Variants in C1QBP observed in about 807,000 individuals in gnomAD.
C1QBP encodes the protein complement component 1 Q subcomponent-binding protein, mitochondrial.
Under a neutral mutation model 29.4 loss-of-function variants are expected in C1QBP, and 24 were observed. The ratio of observed to expected loss-of-function variants is 0.82; its 90% CI spans 0.59 to 1.15. The LOEUF is 1.15. Ranked by LOEUF, C1QBP falls within the 50% of genes most tolerant of loss-of-function variation. C1QBP has a pLI of 0.00. For synonymous variants in C1QBP, 182 were observed against 149.2 expected, an observed-to-expected ratio of 1.22 and a Z score of -1.60; for missense variants, 337 against 355.8, an observed-to-expected ratio of 0.95 and a Z score of 0.43.
chr17:5,435,105 T>C (rs1916235712), intron 2 of C1QBP, 139 bp from the exon 3 acceptor site: 1 of 755,200 alleles, frequency 1.3e-6, no homozygotes, highest in South Asian at 1.6e-5. Flanking sequence ...CTGGCTGAAT[T>C]ATATGCAGAA....
Position 5,432,855 on chromosome 17 carries a change from A to T in C1QBP, c.*160T>A. The T allele has an allele frequency of 1.0e-6, 1 of 965,338 alleles. No individual in the cohort carries two copies. The highest frequency in any genetic ancestry group is 1.5e-6 in the Non-Finnish European group (1 of 683,230). The allele number at this position is 965,338 out of a possible 1,614,324, so 59.8% of individuals were successfully genotyped here. ...TAATAGATTTGTACAGAAAAAAATG[A>T]TAATAAATGAGAACACAAAACATAT... On this transcript the variant is annotated 3_prime_UTR_variant, in exon 6 of 6. Coordinates refer to ENST00000225698, the MANE Select transcript of C1QBP (RefSeq NM_001212.4).
At position 5,433,538 on chromosome 17, in the gene C1QBP, C is replaced by CCT. The variant is rs1169013372; in HGVS notation, c.577-125_577-124dup. The CCT allele has an allele frequency of 2.0e-6, 3 of 1,508,404 alleles. No homozygotes were observed. In the South Asian group the frequency reaches 3.4e-5, roughly 17 times the overall value. 93.4% of individuals were successfully genotyped at this position (1,508,404 alleles called of 1,614,324 possible). On this transcript the variant is annotated intron_variant, in intron 4 of 5. Transcript: ENST00000225698. ...TTTAACCCTCTTCCCTCACTCCCCA[C>CCT]CTCTCTCCCCCTGCTGGGCTGGTCT... is the stretch of plus-strand genomic sequence containing the variant.
At position 5,438,108 on chromosome 17, in the gene C1QBP, C is replaced by T; in HGVS notation, c.383+15G>A. 3.1e-6 allele frequency: 5 copies of T among 1,610,240 alleles called. No individual in the cohort carries two copies. The highest frequency in any genetic ancestry group is 4.2e-6 in the Non-Finnish European group (5 of 1,178,770). On this transcript the variant is annotated intron_variant, in intron 2 of 5. Transcript: ENST00000225698. The stretch of plus-strand genomic sequence containing the variant: ...AAGGGAGTTGCTGCCCTGGGATCCC[C>T]AGACCAGTACTTACTTTTCCCCGGC...
At chr17:5,433,844 G>T in intron 3 of C1QBP, 77 bp from the exon 4 acceptor site, 1 of 1,216,914 alleles carries the variant, frequency 8.2e-7, no homozygotes, top group Non-Finnish European at 1.2e-6. Flanking sequence ...TGTTCAGAGT[G>T]TCTGATGGCC....
chr17:5,437,499 G>A (rs1916306511), intron 2 of C1QBP, among the ~76,000 whole-genome samples: 1 of 152,148 alleles, frequency 6.6e-6, no homozygotes, highest in African/African-American at 2.4e-5. Flanking sequence ...ACCATACCCG[G>A]TTAATTTTTA....
Position 5,439,136 on chromosome 17 carries a change from CCTGA to C in C1QBP, c.-67_-64del. The C allele has an allele frequency of 6.5e-7, 1 of 1,528,076 alleles. No homozygotes were observed. The highest frequency in any genetic ancestry group is 8.8e-7 in the Non-Finnish European group (1 of 1,137,588). 94.7% of individuals were successfully genotyped at this position (1,528,076 alleles called of 1,614,324 possible). ...CAACCCAGGCCTAGGCGCCCCGCGACCTGAGGCGCCGCCGGAAGCCCCGCCCCTG... is the reference window on the plus strand; with the variant it reads ...CAACCCAGGCCTAGGCGCCCCGCGACGGCGCCGCCGGAAGCCCCGCCCCTG... On this transcript the variant is annotated 5_prime_UTR_variant, in exon 1 of 6. Transcript: ENST00000225698.
chr17:5,434,377 A>G (rs368491731), intron 3 of C1QBP, among the ~76,000 whole-genome samples: 1 of 151,600 alleles, frequency 6.6e-6, no homozygotes, highest in Non-Finnish European at 1.5e-5. Context: ...CTGGCTGGTT[A>G]CTAGGCTGGG....
chr17:5,432,940 T>C lies in C1QBP; in HGVS notation c.*75A>G. 4 of 1,487,440 alleles carry C rather than the reference T, an allele frequency of 2.7e-6. No homozygotes were observed. The highest frequency in any genetic ancestry group is 3.6e-6 in the Non-Finnish European group (4 of 1,103,068). 92.1% of individuals were successfully genotyped at this position (1,487,440 alleles called of 1,614,324 possible). A position where few individuals can be genotyped will look rare whatever the true frequency, so the allele number is the denominator to read the frequency against. On this transcript the variant is annotated 3_prime_UTR_variant, in exon 6 of 6. Coordinates refer to ENST00000225698, the MANE Select transcript of C1QBP (RefSeq NM_001212.4). ...AGGATGATAATCATTTCAAAGCACA[T>C]GTCTAGCTTCAGAGTAGGATTTGTT...
intron 3 of C1QBP, 63 bp downstream of exon 3, chr17:5,434,810 C>T (rs949123315): frequency 1.4e-6 from 2 of 1,468,500 alleles, no homozygotes; most frequent in African/African-American, 2.8e-5. Context: ...AAACGCTCCT[C>T]CTCTAAGCCC....
chr17:5,438,632 G>A (rs1390054304), intron 1 of C1QBP: 12 of 1,016,566 alleles, frequency 1.2e-5, no homozygotes, highest in Non-Finnish European at 1.7e-5. Context: ...AGGTACCCTA[G>A]TATTTAATTT....
Position 5,433,121 on chromosome 17 carries a change from A to G in C1QBP, c.743T>C (p.Val248Ala). The G allele has an allele frequency of 6.2e-7, 1 of 1,614,024 alleles. No homozygotes were observed. ...HLMDFLADRG[V>A]DNTFADELVE... Reference sequence around the variant, plus strand: ...CAGCTCATCTGCAAAAGTGTTGTCCACCCCTCGGTCGGCAAGGAAATCCAT... The same window carrying G: ...CAGCTCATCTGCAAAAGTGTTGTCCGCCCCTCGGTCGGCAAGGAAATCCAT... The change falls in exon 6 of 6, where the codon GTG becomes GCG. Residue 248 changes from valine (V) to alanine (A), a missense_variant. Val to Ala is a moderately conservative substitution (Grantham distance 64). Coordinates refer to ENST00000225698, the MANE Select transcript of C1QBP (RefSeq NM_001212.4).
At chr17:5,434,041 A>T (rs1567591491) in intron 3 of C1QBP, 1 of 471,200 alleles carries the variant, frequency 2.1e-6, no homozygotes, top group Non-Finnish European at 3.9e-6. Context: ...GTCCCTTAAC[A>T]TTCCAAGCCT....
At chr17:5,434,192 CT>C in intron 3 of C1QBP, 1 of 211,888 alleles carries the variant, frequency 4.7e-6, no homozygotes, top group Middle Eastern at 1.9e-3. Flanking sequence ...ACAGCAGCAG[CT>C]TTTCCTCTGA....
In C1QBP at chr17:5,439,018, AG is replaced by A; in HGVS notation, c.55del (p.Leu19SerfsTer68). The A allele has an allele frequency of 6.7e-7, 1 of 1,501,370 alleles. No homozygotes were observed. Among genetic ancestry groups the A allele is most frequent in the Non-Finnish European group, 8.9e-7 (1 of 1,127,206 alleles). 93.0% of individuals were successfully genotyped at this position (1,501,370 alleles called of 1,614,324 possible). ...PRVLGSSVAG[L>X]RAAAPASPFR... ...AGGCGAGGCGGGCGCGGCAGCGCGGAGGCCGGCGACGGAGGAGCCCAGCACA... is the reference window on the plus strand; with the variant it reads ...AGGCGAGGCGGGCGCGGCAGCGCGGAGCCGGCGACGGAGGAGCCCAGCACA... On this transcript the variant is annotated frameshift_variant, in exon 1 of 6. Coordinates refer to ENST00000225698, the MANE Select transcript of C1QBP (RefSeq NM_001212.4). LOFTEE classifies it high-confidence loss of function.
chr17:5,438,588 A>C (rs1363486914), intron 1 of C1QBP: 2 of 796,836 alleles, frequency 2.5e-6, no homozygotes, highest in African/African-American at 3.5e-5. Context: ...GCCTTCCCAA[A>C]GGTCCACTTT....
At position 5,434,960 on chromosome 17, in the gene C1QBP, C is replaced by T. The variant is rs757702302; in HGVS notation, c.390G>A (p.Thr130=). ...LVRKVAGEKI[T]VTFNINNSIP... is the part of the protein sequence containing the mutation. Reference sequence around the variant, plus strand: ...TGCTGTTGTTAATGTTGAAAGTGACCGTGATTCTAAAACGGCAAGGGAAAA... The same window carrying T: ...TGCTGTTGTTAATGTTGAAAGTGACTGTGATTCTAAAACGGCAAGGGAAAA... Residue 130 remains threonine (T), a synonymous_variant, in exon 3 of 6, where the codon ACG becomes ACA. Transcript: ENST00000225698. The T allele has an allele frequency of 1.9e-6, 3 of 1,613,554 alleles. No homozygotes were observed. The highest frequency in any genetic ancestry group is 1.1e-5 in the South Asian group (1 of 91,068).
intron 2 of C1QBP, among the ~76,000 whole-genome samples, chr17:5,437,526 A>G (rs1363397678): frequency 6.6e-6 from 1 of 152,110 alleles, no homozygotes; most frequent in Non-Finnish European, 1.5e-5. Flanking sequence ...CCAGGGTTTT[A>G]GTGTTAGCCA....
chr17:5,433,437 A>C, intron 4 of C1QBP, 22 bp from the exon 5 acceptor site: 1 of 1,614,104 alleles, frequency 6.2e-7, no homozygotes, highest in Non-Finnish European at 8.5e-7. Context: ...CAATATTGGG[A>C]AACTGAAGGG....
chr17:5,438,770 G>A (rs1916341671), intron 1 of C1QBP, 72 bp downstream of exon 1: 2 of 1,543,358 alleles, frequency 1.3e-6, no homozygotes, highest in East Asian at 2.5e-5. Context: ...GAGGTCGGTT[G>A]CAGGCCCTAT....
Sources: allele counts gnomAD v4.1 joint callset (sites outside exome capture counted in the v4.1 genomes callset), GRCh38; gene constraint gnomAD v4.1.1; transcripts MANE v1.5; gene names NCBI Gene and HGNC (gene_info 2026-07-23, HGNC 2026-07-21).